The following MDGA2 variants were observed in gnomAD, a reference collection of about 807,000 sequenced individuals.
MDGA2 encodes the protein MAM domain containing glycosylphosphatidylinositol anchor 2, also known as MAM domain-containing glycosylphosphatidylinositol anchor protein 2.
A neutral mutation model predicts 117.8 loss-of-function variants in MDGA2; 40 were observed. The observed-to-expected ratio is 0.34, with a 90% CI of 0.26 to 0.44. The LOEUF (loss-of-function observed/expected upper bound fraction) is 0.44. MDGA2 is among the 20% of genes least tolerant of loss of function. MDGA2 has a pLI of 1.00. For synonymous variants in MDGA2, 452 were observed against 439.0 expected, an observed-to-expected ratio of 1.03 and a Z score of -0.37; for missense variants, 1,123 against 1,250.6, an observed-to-expected ratio of 0.90 and a Z score of 1.54.
intron 1 of MDGA2, among the ~76,000 whole-genome samples, chr14:47,348,727 A>G (rs549220600): frequency 6.6e-6 from 1 of 152,162 alleles, no homozygotes; most frequent in Non-Finnish European, 1.5e-5. Context: ...GCAGAGTGGA[A>G]AAAAATGAGT....
intron 1 of MDGA2, among the ~76,000 whole-genome samples, chr14:47,593,562 A>C (rs1896481515): frequency 6.6e-6 from 1 of 152,170 alleles, no homozygotes. Context: ...AAGGAACGAG[A>C]CCATGTCCTT....
intron 1 of MDGA2, among the ~76,000 whole-genome samples, chr14:47,414,351 T>G (rs1337334476): frequency 6.6e-6 from 1 of 152,150 alleles, no homozygotes; most frequent in Non-Finnish European, 1.5e-5. Context: ...TATTACAGTA[T>G]GAGATAACAA....
chr14:47,206,700 G>T (rs778087035), intron 3 of MDGA2, among the ~76,000 whole-genome samples: 4 of 151,956 alleles, frequency 2.6e-5, no homozygotes, highest in Non-Finnish European at 5.9e-5. Context: ...GACCAAACTG[G>T]GCAACATGCA....
At chr14:47,262,451 C>G (rs1192990894) in intron 2 of MDGA2, among the ~76,000 whole-genome samples, 14 of 152,120 alleles carry the variant, frequency 9.2e-5, no homozygotes. Flanking sequence ...GCGACTGACA[C>G]AAAATTTACA....
intron 1 of MDGA2, among the ~76,000 whole-genome samples, chr14:47,645,340 T>G (rs2138255701): frequency 1.3e-5 from 2 of 151,994 alleles, no homozygotes; most frequent in South Asian, 4.2e-4. Flanking sequence ...GCCTCCCGGG[T>G]TCACGCCATT....
intron 1 of MDGA2, among the ~76,000 whole-genome samples, chr14:47,600,503 T>C (rs770748683): frequency 6.6e-6 from 1 of 152,108 alleles, no homozygotes; most frequent in Non-Finnish European, 1.5e-5. Flanking sequence ...CTAATTCTTA[T>C]TGAATGAATG....
intron 10 of MDGA2, among the ~76,000 whole-genome samples, chr14:46,917,601 T>C (rs1012891864): frequency 3.3e-5 from 5 of 152,286 alleles, no homozygotes; most frequent in African/African-American, 1.2e-4. Flanking sequence ...AAGGGAAATT[T>C]ATACATACAT....
At chr14:47,392,106 G>A (rs1364953898) in intron 1 of MDGA2, among the ~76,000 whole-genome samples, 2 of 152,076 alleles carry the variant, frequency 1.3e-5, no homozygotes, top group Admixed American at 1.3e-4. Context: ...ATCTCCTGAA[G>A]AGCGCATCAA....
At chr14:46,929,856 G>A (rs1235076741) in intron 9 of MDGA2, among the ~76,000 whole-genome samples, 8 of 149,546 alleles carry the variant, frequency 5.3e-5, no homozygotes, top group African/African-American at 1.7e-4. Flanking sequence ...AGGCTGGTCT[G>A]GAACTCCTGA....
chr14:47,646,973 C>A (rs2138260078), intron 1 of MDGA2, among the ~76,000 whole-genome samples: 1 of 152,278 alleles, frequency 6.6e-6, no homozygotes, highest in South Asian at 2.1e-4. Context: ...CCATAATTTA[C>A]ATGAACATCT....
At chr14:47,497,028 T>C (rs1894295759) in intron 1 of MDGA2, among the ~76,000 whole-genome samples, 1 of 151,984 alleles carries the variant, frequency 6.6e-6, no homozygotes, top group Non-Finnish European at 1.5e-5. Context: ...CAGGTGGAGC[T>C]AAGGTGGTAA....
intron 7 of MDGA2, among the ~76,000 whole-genome samples, chr14:47,060,284 A>G (rs138749030): frequency 6.6e-6 from 1 of 152,200 alleles, no homozygotes; most frequent in Non-Finnish European, 1.5e-5. Flanking sequence ...ATAAACTTCT[A>G]TTCTTAAGGA....
In MDGA2 at chr14:47,277,610, T is replaced by A. The variant is rs117893397; in HGVS notation, c.420+23801A>T. 4.0e-3 allele frequency among the ~76,000 whole-genome samples: 616 copies of A among 152,270 alleles called. 4 individuals are homozygous for A. The highest frequency in any genetic ancestry group is 8.5e-3 in the Admixed American group (130 of 15,282). On this transcript the variant is annotated intron_variant, in intron 2 of 16. Transcript: ENST00000399232. ...AAGATGGAAAGTAAAACAGGGTTAA[T>A]ATTAACTATGAGAAATTGAAAGCAT...
chr14:47,297,156 T>A (rs572400343), intron 2 of MDGA2, among the ~76,000 whole-genome samples: 1 of 152,170 alleles, frequency 6.6e-6, no homozygotes, highest in African/African-American at 2.4e-5. Context: ...ATAATACTTT[T>A]CATTATCTCA....
chr14:47,616,625 T>C (rs766269219), intron 1 of MDGA2, among the ~76,000 whole-genome samples: 48 of 152,216 alleles, frequency 3.2e-4, no homozygotes, highest in Non-Finnish European at 6.3e-4. Context: ...AGGCTACTTT[T>C]AGAAGTTGTC....
intron 1 of MDGA2, among the ~76,000 whole-genome samples, chr14:47,504,258 T>A (rs1203820707): frequency 6.6e-6 from 1 of 152,222 alleles, no homozygotes; most frequent in Non-Finnish European, 1.5e-5. Flanking sequence ...TTATTCTTTG[T>A]ATGCCGTTGT....
At chr14:47,505,650 T>C (rs950341777) in intron 1 of MDGA2, among the ~76,000 whole-genome samples, 3 of 152,186 alleles carry the variant, frequency 2.0e-5, no homozygotes, top group Non-Finnish European at 4.4e-5. Flanking sequence ...TGTGTCCTAA[T>C]TCTCCCTTAG....
intron 1 of MDGA2, among the ~76,000 whole-genome samples, chr14:47,371,059 G>C (rs1402499639): frequency 6.6e-6 from 1 of 151,684 alleles, no homozygotes; most frequent in African/African-American, 2.4e-5. Context: ...AGGTGAAAAA[G>C]GAGTTCTATA....
intron 3 of MDGA2, among the ~76,000 whole-genome samples, chr14:47,185,245 A>C (rs1337711270): frequency 1.3e-5 from 2 of 151,382 alleles, no homozygotes; most frequent in African/African-American, 2.4e-5. Context: ...TAGAAAAATA[A>C]GGCAATAGTT....
Sources: gnomAD v4.1 joint callset for allele counts (sites outside exome capture counted in the v4.1 genomes callset) on GRCh38, gnomAD v4.1.1 for gene constraint, MANE v1.5 for transcripts, NCBI Gene and HGNC (gene_info 2026-07-23, HGNC 2026-07-21) for gene names.